UBE2D3: variants seen among roughly 807,000 people sequenced by gnomAD.
UBE2D3 encodes the protein ubiquitin conjugating enzyme E2 D3, also known as ubiquitin-conjugating enzyme E2 D3.
UBE2D3 carries 2 observed loss-of-function variants against 22.8 expected under a neutral mutation model. The ratio of observed to expected loss-of-function variants is 0.09; its 90% CI spans 0.04 to 0.28. UBE2D3 has a LOEUF of 0.28. Ranked by LOEUF, UBE2D3 falls within the 10% of genes least tolerant of loss-of-function variation. The pLI is 1.00. For synonymous variants in UBE2D3, 56 were observed against 60.4 expected, an observed-to-expected ratio of 0.93 and a Z score of 0.34; for missense variants, 27 against 182.5, an observed-to-expected ratio of 0.15 and a Z score of 4.91.
intron 6 of UBE2D3, among the ~76,000 whole-genome samples, chr4:102,800,448 G>A (rs773174199): frequency 3.3e-5 from 5 of 151,928 alleles, no homozygotes; most frequent in South Asian, 2.1e-4. Flanking sequence ...TTGCTTTAAC[G>A]ACAAAACAAT....
At chr4:102,840,320 G>A (rs1253848500) in intron 1 of UBE2D3, among the ~76,000 whole-genome samples, 1 of 152,182 alleles carries the variant, frequency 6.6e-6, no homozygotes, top group Non-Finnish European at 1.5e-5. Flanking sequence ...ATCAACTTAC[G>A]TGTCCGTCAA....
intron 4 of UBE2D3, 68 bp downstream of exon 4, chr4:102,809,604 T>C: frequency 2.0e-6 from 3 of 1,467,618 alleles, no homozygotes; most frequent in Non-Finnish European, 2.8e-6. Context: ...CAGACCAAGT[T>C]AAAAATTACA....
chr4:102,835,912 A>T (rs1438321939), intron 1 of UBE2D3, among the ~76,000 whole-genome samples: 1 of 151,820 alleles, frequency 6.6e-6, no homozygotes, highest in Non-Finnish European at 1.5e-5. Context: ...GACACCTCTG[A>T]TCTATTTTCT....
chr4:102,797,890 C>T (rs1725453310), intron 7 of UBE2D3, among the ~76,000 whole-genome samples: 1 of 151,798 alleles, frequency 6.6e-6, no homozygotes. Flanking sequence ...TTATCTGAAT[C>T]CTAGAGTTTG....
intron 1 of UBE2D3, among the ~76,000 whole-genome samples, chr4:102,867,926 TA>T (rs1272189600): frequency 6.6e-6 from 1 of 152,176 alleles, no homozygotes; most frequent in Non-Finnish European, 1.5e-5. Context: ...TTTAGCTCAT[TA>T]GCTACCATTA....
At chr4:102,827,239 GAGGACGCGCCCA>G in intron 1 of UBE2D3, 176 bp downstream of exon 1, 1 of 976,712 alleles carries the variant, frequency 1.0e-6, no homozygotes, top group Non-Finnish European at 1.2e-6. Flanking sequence ...GCTTAGGCGC[GAGGACGCGCCCA>G]TTCCCCCTCC....
At chr4:102,825,742 A>G (rs567346590) in intron 2 of UBE2D3, 233 of 495,760 alleles carry the variant, frequency 4.7e-4, no homozygotes, top group African/African-American at 6.9e-4. Flanking sequence ...CCTTACTGCC[A>G]TCGCACCCCT....
chr4:102,842,233 T>G (rs1731792811), intron 1 of UBE2D3, among the ~76,000 whole-genome samples: 1 of 150,818 alleles, frequency 6.6e-6, no homozygotes, highest in African/African-American at 2.4e-5. Context: ...GGGAGTAAAG[T>G]TTTGATACTA....
chr4:102,809,779 G>T lies in UBE2D3; in HGVS notation c.88+13C>A. The stretch of plus-strand genomic sequence containing the variant: ...AAAAATTAGGCATAAAAATCAACTT[G>T]CAAGTTACTTACTATCATCCCCAAC... On this transcript the variant is annotated intron_variant, in intron 3 of 7. Transcript: ENST00000453744. The T allele has an allele frequency of 6.2e-7, 1 of 1,613,668 alleles. No homozygotes were observed. Among genetic ancestry groups the T allele is most frequent in the Non-Finnish European group, 8.5e-7 (1 of 1,179,962 alleles).
chr4:102,850,654 A>G (rs28710123), intron 1 of UBE2D3, among the ~76,000 whole-genome samples: 17,774 of 152,162 alleles, frequency 0.12, 1,108 homozygotes, highest in Admixed American at 0.16. Flanking sequence ...AAATTTAACC[A>G]ATTTTACTTA....
Position 102,799,451 on chromosome 4 carries a change from G to T in UBE2D3, c.354C>A (p.Pro118=). ...AGATCCGTGCAATCTCTGGCACTAGGGGGTCATCTGGGTTTGGATCACATA... is the reference window on the plus strand; with the variant it reads ...AGATCCGTGCAATCTCTGGCACTAGTGGGTCATCTGGGTTTGGATCACATA... ...SLLCDPNPDD[P]LVPEIARIYK... Residue 118 remains proline (P), a synonymous_variant, in exon 7 of 8, where the codon CCC becomes CCA. Coordinates refer to ENST00000453744, the MANE Select transcript of UBE2D3 (RefSeq NM_181891.3). The T allele has an allele frequency of 6.2e-7, 1 of 1,612,144 alleles. No individual in the cohort carries two copies. The highest frequency in any genetic ancestry group is 8.5e-7 in the Non-Finnish European group (1 of 1,178,722).
intron 1 of UBE2D3, among the ~76,000 whole-genome samples, chr4:102,837,987 A>G (rs1310985654): frequency 6.6e-6 from 1 of 150,460 alleles, no homozygotes; most frequent in Non-Finnish European, 1.5e-5. Flanking sequence ...AAAATTTTCT[A>G]AAATAGCTGT....
intron 6 of UBE2D3, among the ~76,000 whole-genome samples, chr4:102,799,842 G>GC (rs1051341127): frequency 7.1e-6 from 1 of 140,842 alleles, no homozygotes; most frequent in Non-Finnish European, 1.6e-5. Context: ...TGGGGGGGGG[G>GC]GGACTTTAGC....
intron 4 of UBE2D3, among the ~76,000 whole-genome samples, chr4:102,807,156 G>A (rs1011417829): frequency 2.6e-5 from 4 of 152,176 alleles, no homozygotes; most frequent in African/African-American, 9.7e-5. Flanking sequence ...CAAAAGTGAC[G>A]TTGTTAACTG....
At chr4:102,861,979 A>G (rs963750402) in intron 1 of UBE2D3, among the ~76,000 whole-genome samples, 1 of 151,988 alleles carries the variant, frequency 6.6e-6, no homozygotes, top group African/African-American at 2.4e-5. Flanking sequence ...GTGCAGAGGC[A>G]TAATCATACC....
In UBE2D3 at chr4:102,802,654, T is replaced by A. The variant is rs780409426; in HGVS notation, c.121-16A>T. The A allele has an allele frequency of 6.4e-7, 1 of 1,564,812 alleles. No homozygotes were observed. Among genetic ancestry groups the A allele is most frequent in the Admixed American group, 1.9e-5 (1 of 53,366 alleles). ...GGCTGTCATTCTGTAAAAAGAAAAG[T>A]ATGCTTAACTCAAATTTAAAATATT... On this transcript the variant is annotated splice_polypyrimidine_tract_variant and intron_variant, in intron 4 of 7. Coordinates refer to ENST00000453744, the MANE Select transcript of UBE2D3 (RefSeq NM_181891.3).
chr4:102,846,071 G>A (rs1182727535), intron 1 of UBE2D3, among the ~76,000 whole-genome samples: 3 of 152,134 alleles, frequency 2.0e-5, no homozygotes, highest in South Asian at 2.1e-4. Context: ...GATTACAGAC[G>A]TGAGCCACTG....
chr4:102,797,858 C>T lies in UBE2D3; in HGVS notation c.399-398G>A, dbSNP rs1187417286. Among the ~76,000 whole-genome samples the T allele has an allele frequency of 2.6e-5, 4 of 151,860 alleles. 1 individual carries two copies. Among genetic ancestry groups the T allele is most frequent in the Admixed American group, 2.0e-4 (3 of 15,210 alleles). ...ACAGAAATTTCCACCAAGGCCAGAA[C>T]TAGGCTTTTACTAGAACAATTTTAT... On this transcript the variant is annotated intron_variant, in intron 7 of 7. Transcript: ENST00000453744.
intron 4 of UBE2D3, among the ~76,000 whole-genome samples, chr4:102,806,573 C>G (rs1024241221): frequency 6.6e-6 from 1 of 151,960 alleles, no homozygotes; most frequent in Non-Finnish European, 1.5e-5. Context: ...TATTTTAATT[C>G]AGATAGTTTT....
Sources: allele counts gnomAD v4.1 joint callset (sites outside exome capture counted in the v4.1 genomes callset), GRCh38; gene constraint gnomAD v4.1.1; transcripts MANE v1.5; gene names NCBI Gene and HGNC (gene_info 2026-07-23, HGNC 2026-07-21).